Variants in CEP104 observed in about 807,000 individuals in gnomAD.
CEP104 encodes the protein centrosomal protein of 104 kDa.
A neutral mutation model predicts 113.3 loss-of-function variants in CEP104; 84 were observed. The ratio of observed to expected loss-of-function variants is 0.74; its 90% CI spans 0.62 to 0.89. The LOEUF (loss-of-function observed/expected upper bound fraction) is 0.89. Among genes scored for constraint, CEP104 ranks in the 40% least tolerant of loss-of-function variants. The pLI is 0.00. For synonymous variants in CEP104, 378 were observed against 421.7 expected (o/e 0.90, Z 1.27); for missense variants, 1,053 against 1,156.6 (o/e 0.91, Z 1.30).
At chr1:3,837,113 G>A in intron 9 of CEP104, 179 bp downstream of exon 9, 2 of 597,850 alleles carry the variant, frequency 3.3e-6, no homozygotes, top group Non-Finnish European at 5.9e-6. Context: ...GGTGTCATTA[G>A]GCCTATTCCT....
rs2124668380 is a variant in CEP104, at chr1:3,834,934, A to G, written c.1476T>C (p.Ile492=). ...AGCTGAGGGCACTCACGGAGGTCAC[A>G]ATGTCCTTTATGGCTCTTCTAACGA... ...VFLVRRAIKD[I]VTSVFQASLK... Residue 492 remains isoleucine (I), a synonymous_variant, in exon 11 of 22, where the codon ATT becomes ATC. Transcript: ENST00000378230. 2 of 1,590,876 alleles carry G rather than the reference A, an allele frequency of 1.3e-6. No homozygotes were observed. The highest frequency in any genetic ancestry group is 4.5e-5 in the East Asian group (2 of 44,180).
chr1:3,816,154 T>G, intron 21 of CEP104, 126 bp downstream of exon 21: 1 of 753,186 alleles, frequency 1.3e-6, no homozygotes, highest in Non-Finnish European at 2.1e-6. Context: ...GAAGACAGGC[T>G]TGGATGCTTT....
intron 12 of CEP104, among the ~76,000 whole-genome samples, chr1:3,831,594 C>T (rs1232639516): frequency 4.6e-5 from 7 of 152,112 alleles, no homozygotes; most frequent in South Asian, 2.1e-4. Context: ...CTAGAATCAC[C>T]GTTATTTTAG....
At chr1:3,849,993 T>A (rs1644580767) in intron 2 of CEP104, among the ~76,000 whole-genome samples, 1 of 152,238 alleles carries the variant, frequency 6.6e-6, no homozygotes, top group Non-Finnish European at 1.5e-5. Context: ...GATACCTACT[T>A]GTGTTACACT....
intron 20 of CEP104, among the ~76,000 whole-genome samples, chr1:3,818,711 GAGGAGGTTCTCACC>G (rs1352811061): frequency 6.6e-6 from 1 of 152,232 alleles, no homozygotes; most frequent in Non-Finnish European, 1.5e-5. Context: ...CTTTGATGAA[GAGGAGGTTCTCACC>G]TTTTACAATT....
chr1:3,847,694 G>C, intron 3 of CEP104, 81 bp from the exon 4 acceptor site: 3 of 1,386,194 alleles, frequency 2.2e-6, no homozygotes, highest in Non-Finnish European at 3.1e-6. Context: ...AACTCAATAG[G>C]CTCATTTATG....
At chr1:3,837,129 G>A (rs1029046083) in intron 9 of CEP104, 163 bp downstream of exon 9, 6 of 612,676 alleles carry the variant, frequency 9.8e-6, no homozygotes, top group South Asian at 4.0e-5. Context: ...TTCCTTATGT[G>A]GCTATGCTCT....
Position 3,826,433 on chromosome 1 carries a change from A to G in CEP104, c.2192T>C (p.Ile731Thr). The G allele has an allele frequency of 6.2e-7, 1 of 1,613,078 alleles. No individual in the cohort carries two copies. The highest frequency in any genetic ancestry group is 1.3e-5 in the African/African-American group (1 of 75,026). ...SDAVKPKNQDIQGGKAAPAEA... is the reference protein window; with the variant it reads ...SDAVKPKNQDTQGGKAAPAEA... ...AGCAGGGGCTGCTTTCCCTCCTTGAATGTCTGAAGAGATTAAAACAATTTA... is the reference window on the plus strand; with the variant it reads ...AGCAGGGGCTGCTTTCCCTCCTTGAGTGTCTGAAGAGATTAAAACAATTTA... The change falls in exon 17 of 22, where the codon ATT becomes ACT. Residue 731 changes from isoleucine (I) to threonine (T), a missense_variant. By Grantham distance (89) the Ile-to-Thr change is moderately conservative. Transcript: ENST00000378230.
chr1:3,833,665 C>T, intron 12 of CEP104, 197 bp downstream of exon 12: 1 of 448,088 alleles, frequency 2.2e-6, no homozygotes, highest in South Asian at 7.7e-5. Flanking sequence ...TGGAAAAACC[C>T]AACTGTAGAT....
At chr1:3,822,253 C>T (rs911667173) in intron 20 of CEP104, among the ~76,000 whole-genome samples, 2 of 96,186 alleles carry the variant, frequency 2.1e-5, no homozygotes, top group East Asian at 6.4e-4. Flanking sequence ...GAGGGACAGA[C>T]AGACAGAGGG....
At position 3,823,691 on chromosome 1, in the gene CEP104, C is replaced by T. The variant is rs1438647026; in HGVS notation, c.2365-129G>A. On this transcript the variant is annotated intron_variant, in intron 18 of 21. Coordinates refer to ENST00000378230, the MANE Select transcript of CEP104 (RefSeq NM_014704.4). This position sits in a 1 kb window ranked among gnomAD's most constrained non-coding sequence, Gnocchi z 4.1. ...TGCCGCCTGCACATGAAGTAAGCCA[C>T]AGGCTTCTATCTTCGGCATTTGCCC... 9.1e-7 allele frequency: 1 copy of T among 1,099,448 alleles called. No homozygotes were observed. Among genetic ancestry groups the T allele is most frequent in the African/African-American group, 1.6e-5 (1 of 64,408 alleles). 68.1% of individuals were successfully genotyped at this position (1,099,448 alleles called of 1,614,324 possible).
chr1:3,839,176 CAAAGCTAATTTTTA>C lies in CEP104; in HGVS notation c.736-71_736-58del, dbSNP rs1185704939. ...AATTTGGATCAACTCACATCAAATGCAAAGCTAATTTTTAAGAATCACGCGTGAACCGTCTTGCA... is the reference window on the plus strand; with the variant it reads ...AATTTGGATCAACTCACATCAAATGCAGAATCACGCGTGAACCGTCTTGCA... On this transcript the variant is annotated intron_variant, in intron 7 of 21. Coordinates refer to ENST00000378230, the MANE Select transcript of CEP104 (RefSeq NM_014704.4). 2.0e-6 allele frequency: 3 copies of C among 1,485,464 alleles called. No individual in the cohort carries two copies. The African/African-American group carries it at 4.1e-5, about 21-fold the overall frequency. The allele number at this position is 1,485,464 out of a possible 1,614,324, so 92.0% of individuals were successfully genotyped here.
intron 4 of CEP104, among the ~76,000 whole-genome samples, 196 bp downstream of exon 4, chr1:3,847,279 T>C (rs913207633): frequency 1.3e-5 from 2 of 152,272 alleles, no homozygotes; most frequent in Admixed American, 6.5e-5. Context: ...ACTAGGCCAG[T>C]TCGTGGTGGG....
intron 8 of CEP104, 100 bp downstream of exon 8, chr1:3,838,864 A>T: frequency 7.6e-7 from 1 of 1,307,206 alleles, no homozygotes; most frequent in Non-Finnish European, 1.1e-6. Context: ...AGAGTGTTTT[A>T]CACTACACTT....
chr1:3,856,567 C>T (rs1644734864), intron 1 of CEP104, among the ~76,000 whole-genome samples: 1 of 152,268 alleles, frequency 6.6e-6, no homozygotes, highest in South Asian at 2.1e-4. Flanking sequence ...CTGAAACTGG[C>T]CCCCTATGTG....
chr1:3,812,359 T>C lies in CEP104; in HGVS notation c.*3043A>G, dbSNP rs1643810454. 2 of 152,176 alleles carry C rather than the reference T, an allele frequency of 1.3e-5. No homozygotes were observed. The highest frequency in any genetic ancestry group is 2.9e-5 in the Non-Finnish European group (2 of 68,036). The allele number at this position is 152,176 out of a possible 1,614,324, so 9.4% of individuals were successfully genotyped here. ...AATAATAGAAATAAATATTAAATAT[T>C]CAGAACATACTCATGAGTGAAAATT... On this transcript the variant is annotated 3_prime_UTR_variant, in exon 22 of 22. Coordinates refer to ENST00000378230, the MANE Select transcript of CEP104 (RefSeq NM_014704.4).
At chr1:3,816,532 T>C (rs1245358963) in intron 20 of CEP104, 162 bp from the exon 21 acceptor site, 1 of 596,672 alleles carries the variant, frequency 1.7e-6, no homozygotes, top group Non-Finnish European at 3.0e-6. Context: ...CCTTCGGATA[T>C]GTTATGATAG....
At position 3,819,951 on chromosome 1, in the gene CEP104, C is replaced by T. The variant is rs540259554; in HGVS notation, c.2571+3223G>A. On this transcript the variant is annotated intron_variant, in intron 20 of 21. Transcript: ENST00000378230. This position sits in a 1 kb window ranked among gnomAD's most constrained non-coding sequence, Gnocchi z 4.6. ...ACAGCCCCCAAGAACATATTACTGCCAGCTGCTGGGATGAGCCTGGAAGTG... is the reference window on the plus strand; with the variant it reads ...ACAGCCCCCAAGAACATATTACTGCTAGCTGCTGGGATGAGCCTGGAAGTG... 1.5e-4 allele frequency among the ~76,000 whole-genome samples: 23 copies of T among 152,190 alleles called. No homozygotes were observed. The highest frequency in any genetic ancestry group is 4.1e-4 in the African/African-American group (17 of 41,524).
intron 1 of CEP104, among the ~76,000 whole-genome samples, chr1:3,856,515 G>C (rs140260649): frequency 6.6e-6 from 1 of 152,228 alleles, no homozygotes; most frequent in African/African-American, 2.4e-5. Flanking sequence ...TCTCTATAGG[G>C]ACAGAGCAAT....
Sources: gnomAD v4.1 joint callset for allele counts (sites outside exome capture counted in the v4.1 genomes callset) on GRCh38, gnomAD v4.1.1 for gene constraint, Gnocchi (gnomAD v3.1) non-coding constraint, MANE v1.5 for transcripts, NCBI Gene and HGNC (gene_info 2026-07-23, HGNC 2026-07-21) for gene names.